KBTBD12: variants seen among roughly 807,000 people sequenced by gnomAD.
KBTBD12 encodes kelch repeat and BTB domain containing 12.
A neutral mutation model predicts 58.7 loss-of-function variants in KBTBD12; 53 were observed. The observed-to-expected ratio is 0.90, with a 90% CI of 0.72 to 1.14. The LOEUF (loss-of-function observed/expected upper bound fraction) is 1.14. Among genes scored for constraint, KBTBD12 ranks in the 50% most tolerant of loss-of-function variants. The probability of loss-of-function intolerance (pLI) is 0.00; values close to 1 mark genes in which losing one functional copy is unlikely to be tolerated. For missense variants in KBTBD12, 704 were observed against 751.3 expected, an observed-to-expected ratio of 0.94 and a Z score of 0.74; for synonymous variants, 236 against 259.8, an observed-to-expected ratio of 0.91 and a Z score of 0.88.
intron 4 of KBTBD12, among the ~76,000 whole-genome samples, chr3:127,938,767 G>C (rs1214797966): frequency 1.3e-5 from 2 of 152,138 alleles, no homozygotes; most frequent in African/African-American, 4.8e-5. Context: ...ATACTTTAAA[G>C]CAAAATCGAT....
chr3:127,931,871 G>C (rs1416331856), intron 4 of KBTBD12, among the ~76,000 whole-genome samples: 2 of 152,096 alleles, frequency 1.3e-5, no homozygotes, highest in Non-Finnish European at 2.9e-5. Flanking sequence ...AAAGTGGTGA[G>C]AGTAGAGGAT....
chr3:127,918,265 A>G (rs1291921323), intron 1 of KBTBD12, among the ~76,000 whole-genome samples: 2 of 152,250 alleles, frequency 1.3e-5, no homozygotes, highest in Non-Finnish European at 2.9e-5. Context: ...TGGCAATAGC[A>G]GTGCAGCAAC....
At position 127,983,476 on chromosome 3, in the gene KBTBD12, C is replaced by T. The variant is rs777887822; in HGVS notation, c.1691-621C>T. ...GGGCTGTTAAAAATAGTCTGGCAAC[C>T]GGGCGTGGTGGCTCACGCCTGTAAT... is the stretch of plus-strand genomic sequence containing the variant. On this transcript the variant is annotated intron_variant, in intron 5 of 5. Coordinates refer to ENST00000405109, the MANE Select transcript of KBTBD12 (RefSeq NM_207335.4). Among the ~76,000 whole-genome samples the T allele has an allele frequency of 1.3e-4, 20 of 152,232 alleles. No homozygotes were observed. The South Asian group carries it at 1.9e-3, about 14-fold the overall frequency.
chr3:127,966,112 T>C (rs554437132), intron 5 of KBTBD12, among the ~76,000 whole-genome samples: 1 of 152,288 alleles, frequency 6.6e-6, no homozygotes, highest in South Asian at 2.1e-4. Context: ...AGGTCAGGCA[T>C]CCAGTAATTT....
At chr3:127,983,816 T>C (rs1559777938) in intron 5 of KBTBD12, among the ~76,000 whole-genome samples, 1 of 152,108 alleles carries the variant, frequency 6.6e-6, no homozygotes. Flanking sequence ...CAGTGACCTC[T>C]TTGCAAATGC....
intron 4 of KBTBD12, among the ~76,000 whole-genome samples, chr3:127,947,968 C>T (rs750238364): frequency 3.3e-5 from 5 of 152,176 alleles, no homozygotes; most frequent in Non-Finnish European, 5.9e-5. Flanking sequence ...TATCCATGAT[C>T]GTAATGATCA....
chr3:127,960,647 A>C (rs927847280), intron 4 of KBTBD12, among the ~76,000 whole-genome samples: 50 of 152,230 alleles, frequency 3.3e-4, no homozygotes, highest in African/African-American at 1.2e-3. Context: ...CCTTCAGTTT[A>C]AGCTCATTAA....
At chr3:127,970,575 T>C (rs956361400) in intron 5 of KBTBD12, among the ~76,000 whole-genome samples, 2 of 152,248 alleles carry the variant, frequency 1.3e-5, no homozygotes, top group Non-Finnish European at 2.9e-5. Context: ...AAATACTGTC[T>C]ATTTAAGCAG....
At chr3:127,962,701 G>C (rs768748588) in intron 4 of KBTBD12, among the ~76,000 whole-genome samples, 1 of 152,202 alleles carries the variant, frequency 6.6e-6, no homozygotes, top group Non-Finnish European at 1.5e-5. Flanking sequence ...CCAAAGAATA[G>C]TCCTTCCCTA....
chr3:127,963,168 T>C (rs927465304), intron 4 of KBTBD12, 21 bp from the exon 5 acceptor site: 1 of 1,569,502 alleles, frequency 6.4e-7, no homozygotes, highest in Non-Finnish European at 8.7e-7. Context: ...TCCTCTCATT[T>C]CTCCACATAA....
chr3:127,971,384 C>G (rs1940680109), intron 5 of KBTBD12, among the ~76,000 whole-genome samples: 1 of 152,156 alleles, frequency 6.6e-6, no homozygotes, highest in Admixed American at 6.5e-5. Context: ...AGTGTGCCCT[C>G]AGGATTCTTG....
chr3:127,961,315 G>A (rs949236215), intron 4 of KBTBD12, among the ~76,000 whole-genome samples: 18 of 152,158 alleles, frequency 1.2e-4, no homozygotes, highest in African/African-American at 2.9e-4. Flanking sequence ...GAGCTGTGCC[G>A]TTAACCGAGG....
At chr3:127,983,151 T>G (rs758281465) in intron 5 of KBTBD12, among the ~76,000 whole-genome samples, 15 of 152,260 alleles carry the variant, frequency 9.9e-5, no homozygotes, top group Non-Finnish European at 1.6e-4. Context: ...CAGAACTTCT[T>G]GAATAATTTT....
intron 5 of KBTBD12, among the ~76,000 whole-genome samples, chr3:127,964,762 T>C (rs958071180): frequency 1.3e-5 from 2 of 152,342 alleles, no homozygotes; most frequent in South Asian, 2.1e-4. Flanking sequence ...CAAGAATACA[T>C]TGAAAGTTGC....
chr3:127,931,937 T>G (rs138708408), intron 4 of KBTBD12, among the ~76,000 whole-genome samples: 2 of 152,066 alleles, frequency 1.3e-5, no homozygotes, highest in Non-Finnish European at 2.9e-5. Context: ...AAGAGCTGAG[T>G]AGTAAACTGA....
intron 5 of KBTBD12, among the ~76,000 whole-genome samples, chr3:127,964,465 C>G (rs1212069534): frequency 1.4e-5 from 2 of 142,464 alleles, no homozygotes; most frequent in Admixed American, 6.8e-5. Context: ...AACCCCATCT[C>G]TACTTAAAAA....
chr3:127,985,119 C>T lies in KBTBD12; in HGVS notation c.*841C>T, dbSNP rs1178861102. The T allele has an allele frequency of 6.6e-6, 1 of 152,282 alleles. No individual in the cohort carries two copies. Among genetic ancestry groups the T allele is most frequent in the Non-Finnish European group, 1.5e-5 (1 of 68,154 alleles). The allele number at this position is 152,282 out of a possible 1,614,324, so 9.4% of individuals were successfully genotyped here. A position where few individuals can be genotyped will look rare whatever the true frequency, so the allele number is the denominator to read the frequency against. On this transcript the variant is annotated 3_prime_UTR_variant, in exon 6 of 6. Coordinates refer to ENST00000405109, the MANE Select transcript of KBTBD12 (RefSeq NM_207335.4). ...CAGGGAGTGTCCTGGAGTGGGCTGA[C>T]CCAGGCTGCCTTTGCCCACCTCTCA... is the stretch of plus-strand genomic sequence containing the variant.
chr3:127,979,738 T>C (rs987845525), intron 5 of KBTBD12, among the ~76,000 whole-genome samples: 1 of 152,204 alleles, frequency 6.6e-6, no homozygotes, highest in African/African-American at 2.4e-5. Context: ...AATAGCATAA[T>C]TAGCAACTTA....
Position 127,957,990 on chromosome 3 carries a change from G to A in KBTBD12, c.1493-5199G>A, listed in dbSNP as rs368145783. ...GAGCTGAGCCTTGAAAGAGGAGTAG[G>A]GGTTTGCCAAGTTGAGGAGGAGAAG... On this transcript the variant is annotated intron_variant, in intron 4 of 5. Transcript: ENST00000405109. Among the ~76,000 whole-genome samples, 10 of 152,308 alleles carry A rather than the reference G, an allele frequency of 6.6e-5. No homozygotes were observed. The East Asian group carries it at 1.7e-3, about 26-fold the overall frequency.
Sources: allele counts gnomAD v4.1 joint callset (sites outside exome capture counted in the v4.1 genomes callset), GRCh38; gene constraint gnomAD v4.1.1; transcripts MANE v1.5; gene names NCBI Gene and HGNC (gene_info 2026-07-23, HGNC 2026-07-21).